Variants in DMD observed in about 807,000 individuals in gnomAD.
DMD encodes the protein dystrophin.
DMD carries 63 observed loss-of-function variants against 330.1 expected under a neutral mutation model. The ratio of observed to expected loss-of-function variants is 0.19; its 90% CI spans 0.16 to 0.24. DMD has a LOEUF of 0.24. DMD is among the 10% of genes least tolerant of loss of function. The pLI, the probability that DMD is intolerant of heterozygous loss-of-function variation, is 1.00. For synonymous variants in DMD, 1,223 were observed against 959.8 expected (o/e 1.27, Z -5.07); for missense variants, 3,344 against 2,684.1 (o/e 1.25, Z -5.43).
At chrX:31,496,740 TA>T in intron 57 of DMD, 47 bp downstream of exon 57, 3 of 1,185,182 alleles carry the variant, frequency 2.5e-6, no homozygotes, top group Non-Finnish European at 3.4e-6. Context: ...GTCACTGGAT[TA>T]CTATGTGCTT....
chrX:33,110,438 T>C (rs1214486066), intron 1 of DMD, among the ~76,000 whole-genome samples: 1 of 111,416 alleles, frequency 9.0e-6, no homozygotes, highest in Non-Finnish European at 1.9e-5. Flanking sequence ...TACTATTATA[T>C]GCTATTAATA....
chrX:32,667,175 A>G (rs1278805457), intron 9 of DMD, among the ~76,000 whole-genome samples: 1 of 111,412 alleles, frequency 9.0e-6, no homozygotes, highest in Non-Finnish European at 1.9e-5. Flanking sequence ...GGATGACATC[A>G]ATGAGCTCTA....
At chrX:32,754,002 C>T (rs958894707) in intron 7 of DMD, among the ~76,000 whole-genome samples, 22 of 110,824 alleles carry the variant, frequency 2.0e-4, no homozygotes, top group African/African-American at 6.9e-4. Flanking sequence ...ATTTTGACCC[C>T]CCACCCAGAT....
intron 63 of DMD, among the ~76,000 whole-genome samples, chrX:31,227,732 G>C (rs1474241086): frequency 9.0e-6 from 1 of 111,089 alleles, no homozygotes; most frequent in Admixed American, 9.5e-5. Flanking sequence ...CTACCCATGA[G>C]CATGGAATGT....
intron 44 of DMD, among the ~76,000 whole-genome samples, chrX:32,211,864 T>G (rs1206200635): frequency 8.9e-6 from 1 of 112,266 alleles, no homozygotes; most frequent in Non-Finnish European, 1.9e-5. Context: ...ATACTTAATC[T>G]AATGGTAATT....
chrX:32,846,723 T>TAAAAAAAAA, intron 3 of DMD, among the ~76,000 whole-genome samples: 1 of 53,580 alleles, frequency 1.9e-5, no homozygotes, highest in South Asian at 1.7e-3. Flanking sequence ...ACTTTAGATT[T>TAAAAAAAAA]AAAAAAAAAA....
At chrX:32,239,973 C>T (rs6527171) in intron 43 of DMD, among the ~76,000 whole-genome samples, 24,900 of 110,654 alleles carry the variant, frequency 0.23, 2,188 homozygotes, top group East Asian at 0.46. Flanking sequence ...GCAGAGATTT[C>T]TGTTTCATTT....
chrX:31,268,057 T>A (rs1283432363), intron 62 of DMD, among the ~76,000 whole-genome samples: 3 of 112,318 alleles, frequency 2.7e-5, no homozygotes, highest in Non-Finnish European at 5.6e-5. Flanking sequence ...GTCCCCTTTT[T>A]AAAATTTATT....
At chrX:31,363,020 G>C (rs1361739564) in intron 60 of DMD, among the ~76,000 whole-genome samples, 2 of 111,994 alleles carry the variant, frequency 1.8e-5, no homozygotes, top group Non-Finnish European at 3.8e-5. Flanking sequence ...CTATACCTCA[G>C]GGATATTTAA....
At position 31,146,396 on chromosome X, in the gene DMD, C is replaced by G; in HGVS notation, c.10816G>C (p.Val3606Leu). Residue 3606 changes from valine (V) to leucine (L), a missense_variant, in exon 76 of 79, where the codon GTG becomes CTG. Transcript: ENST00000357033. ...LLEQPQAEAK[V>L]NGTTVSSPST... is the part of the protein sequence containing the mutation. ...GGAGAGGACACCGTTGTGCCATTCA[C>G]TTTGGCCTCTGCCTGGGGCTAAGTC... 8.3e-7 allele frequency: 1 copy of G among 1,210,601 alleles called. No homozygotes were observed. The highest frequency in any genetic ancestry group is 1.1e-6 in the Non-Finnish European group (1 of 894,622).
intron 19 of DMD, among the ~76,000 whole-genome samples, chrX:32,499,279 AT>A (rs1169000590): frequency 3.6e-5 from 4 of 112,043 alleles, no homozygotes; most frequent in Non-Finnish European, 5.7e-5. Context: ...AGTTCACAGA[AT>A]TTTTTAAAAT....
chrX:31,271,935 G>T (rs1292096132), intron 62 of DMD, among the ~76,000 whole-genome samples: 1 of 111,189 alleles, frequency 9.0e-6, no homozygotes. Flanking sequence ...CTGGATGTAA[G>T]AATATCCAGC....
At chrX:31,365,811 A>G (rs752983994) in intron 60 of DMD, among the ~76,000 whole-genome samples, 86 of 112,778 alleles carry the variant, frequency 7.6e-4, no homozygotes, top group Non-Finnish European at 1.0e-3. Context: ...TGTCTTGGTC[A>G]TCTCCTCTGT....
intron 9 of DMD, among the ~76,000 whole-genome samples, chrX:32,656,116 A>C (rs907561723): frequency 4.5e-5 from 5 of 112,222 alleles, no homozygotes; most frequent in Admixed American, 2.8e-4. Context: ...ATGTCACTAC[A>C]GTTCCCACTT....
intron 62 of DMD, among the ~76,000 whole-genome samples, chrX:31,279,855 C>T (rs1352705089): frequency 8.9e-6 from 1 of 112,698 alleles, no homozygotes; most frequent in African/African-American, 3.2e-5. Flanking sequence ...TGCTTCTGTA[C>T]AGCCTCTCAG....
At chrX:32,557,410 C>A (rs1364165525) in intron 16 of DMD, among the ~76,000 whole-genome samples, 3 of 111,897 alleles carry the variant, frequency 2.7e-5, no homozygotes, top group Non-Finnish European at 5.6e-5. Context: ...ATGTTTGGCT[C>A]TTGACATGCT....
chrX:31,449,993 C>T (rs1463568326), intron 59 of DMD, among the ~76,000 whole-genome samples: 2 of 108,894 alleles, frequency 1.8e-5, no homozygotes, highest in Admixed American at 2.0e-4. Context: ...TATTCTTGGG[C>T]TACATACACG....
At chrX:31,903,011 C>T (rs943966973) in intron 47 of DMD, among the ~76,000 whole-genome samples, 1 of 111,130 alleles carries the variant, frequency 9.0e-6, no homozygotes, top group Non-Finnish European at 1.9e-5. Flanking sequence ...ATTATGACAC[C>T]TCTCAACATT....
At chrX:32,009,911 T>C (rs1187988392) in intron 44 of DMD, among the ~76,000 whole-genome samples, 4 of 112,279 alleles carry the variant, frequency 3.6e-5, no homozygotes, top group Non-Finnish European at 5.6e-5. Context: ...TAGTATGGTA[T>C]AGCAGAAACG....
Sources: allele counts gnomAD v4.1 joint callset (sites outside exome capture counted in the v4.1 genomes callset), GRCh38; gene constraint gnomAD v4.1.1; transcripts MANE v1.5; gene names NCBI Gene and HGNC (gene_info 2026-07-23, HGNC 2026-07-21).